The following CCDC88C variants were observed in gnomAD, a reference collection of about 807,000 sequenced individuals.
The protein encoded by CCDC88C is protein Daple.
CCDC88C carries 131 observed loss-of-function variants against 198.8 expected under a neutral mutation model. The ratio of observed to expected loss-of-function variants is 0.66; its 90% CI spans 0.57 to 0.76. The LOEUF is 0.76. CCDC88C is among the 30% of genes least tolerant of loss of function. The pLI is 0.00. For missense variants in CCDC88C, 2,553 were observed against 2,631.6 expected, an observed-to-expected ratio of 0.97 and a Z score of 0.65; for synonymous variants, 1,166 against 1,114.7, an observed-to-expected ratio of 1.05 and a Z score of -0.92.
chr14:91,330,346 C>T (rs1475678096), intron 10 of CCDC88C, among the ~76,000 whole-genome samples: 1 of 152,186 alleles, frequency 6.6e-6, no homozygotes, highest in African/African-American at 2.4e-5. Context: ...CACCAGGAGT[C>T]CTGGGGGAGC....
At position 91,297,505 on chromosome 14, in the gene CCDC88C, A is replaced by G; in HGVS notation, c.3780-14T>C. ...AGGAAATTGACCCTGGAGGAGGAAG[A>G]GTCACAGGGCAAAGGAGCTGAAGAG... On this transcript the variant is annotated splice_polypyrimidine_tract_variant and intron_variant, in intron 21 of 29. Transcript: ENST00000389857. The G allele has an allele frequency of 6.4e-7, 1 of 1,552,014 alleles. No individual in the cohort carries two copies. The highest frequency in any genetic ancestry group is 8.7e-7 in the Non-Finnish European group (1 of 1,147,130).
At position 91,350,882 on chromosome 14, in the gene CCDC88C, C is replaced by G. The variant is rs535382241; in HGVS notation, c.341-7225G>C. ...TGACTTAATTCTAAAAGCAATCCCC[C>G]GAGGACGGCATGATGACTCCATCTC... is the stretch of plus-strand genomic sequence containing the variant. On this transcript the variant is annotated intron_variant, in intron 4 of 29. Coordinates refer to ENST00000389857, the MANE Select transcript of CCDC88C (RefSeq NM_001080414.4). Among the ~76,000 whole-genome samples, 16 of 152,318 alleles carry G rather than the reference C, an allele frequency of 1.1e-4. No individual in the cohort carries two copies. The East Asian group carries it at 2.9e-3, about 27-fold the overall frequency.
chr14:91,368,556 A>G (rs1894644172), intron 3 of CCDC88C, among the ~76,000 whole-genome samples: 1 of 152,246 alleles, frequency 6.6e-6, no homozygotes, highest in Non-Finnish European at 1.5e-5. Flanking sequence ...GACTTCAGAC[A>G]GGAAAGGCCC....
intron 22 of CCDC88C, 43 bp from the exon 23 acceptor site, chr14:91,294,361 G>C: frequency 6.2e-7 from 1 of 1,605,844 alleles, no homozygotes; most frequent in Non-Finnish European, 8.5e-7. Context: ...ATGTGACCCG[G>C]TGTTCCCACT....
chr14:91,348,727 A>AATT (rs1893657308), intron 4 of CCDC88C, among the ~76,000 whole-genome samples: 1 of 152,186 alleles, frequency 6.6e-6, no homozygotes, highest in Non-Finnish European at 1.5e-5. Context: ...AAAGGCTTTA[A>AATT]AGGTAGAGAA....
chr14:91,371,893 G>A lies in CCDC88C; in HGVS notation c.271-12182C>T, dbSNP rs1894821667. Among the ~76,000 whole-genome samples the A allele has an allele frequency of 6.6e-6, 1 of 152,140 alleles. No homozygotes were observed. The highest frequency in any genetic ancestry group is 1.5e-5 in the Non-Finnish European group (1 of 68,002). ...GAGCAGGATGGTGGAGGGCACCTAG[G>A]AGCCTCCAGCGGTAGATGGCAGCCC... On this transcript the variant is annotated intron_variant, in intron 3 of 29. Transcript: ENST00000389857. This position sits in a 1 kb window ranked among gnomAD's most constrained non-coding sequence, Gnocchi z 4.2.
chr14:91,367,721 C>G (rs1477994135), intron 3 of CCDC88C, among the ~76,000 whole-genome samples: 2 of 152,090 alleles, frequency 1.3e-5, no homozygotes, highest in Non-Finnish European at 2.9e-5. Context: ...GAGTCTGACA[C>G]GTGAGGGACA....
chr14:91,319,502 G>A (rs549879469), intron 13 of CCDC88C, among the ~76,000 whole-genome samples: 82 of 152,320 alleles, frequency 5.4e-4, no homozygotes, highest in Middle Eastern at 3.4e-3. Context: ...AAGGTGTTCC[G>A]TCAGTGGCCT....
chr14:91,315,084 G>C (rs1892034627), intron 14 of CCDC88C, among the ~76,000 whole-genome samples: 1 of 152,160 alleles, frequency 6.6e-6, no homozygotes, highest in Non-Finnish European at 1.5e-5. Context: ...GACGTCTACG[G>C]AGCATCCTTG....
intron 22 of CCDC88C, among the ~76,000 whole-genome samples, chr14:91,295,512 G>A (rs1449607018): frequency 2.0e-5 from 3 of 152,164 alleles, no homozygotes; most frequent in East Asian, 3.9e-4. Context: ...GGCCGGGGGG[G>A]CCCCAGGGAA....
intron 2 of CCDC88C, among the ~76,000 whole-genome samples, chr14:91,415,813 C>G (rs1235181784): frequency 3.3e-5 from 5 of 152,010 alleles, no homozygotes. Flanking sequence ...TATGCCAAAG[C>G]AAACTGCTCC....
At chr14:91,384,705 G>A (rs1242993324) in intron 3 of CCDC88C, among the ~76,000 whole-genome samples, 4 of 152,290 alleles carry the variant, frequency 2.6e-5, no homozygotes, top group South Asian at 2.1e-4. Flanking sequence ...CAACACGTGC[G>A]GCTGCTCTAT....
Position 91,339,387 on chromosome 14 carries a change from C to A in CCDC88C, c.700G>T (p.Ala234Ser). ...CTGGTGGGGCTGGGAGTGGAGTCGG[C>A]GCTGGAGGACTTGATGGGGCTGGGT... is the stretch of plus-strand genomic sequence containing the variant. ...HPPSPIKSSSADSTPSPTSSL... is the reference protein window; with the variant it reads ...HPPSPIKSSSSDSTPSPTSSL... Residue 234 changes from alanine (A) to serine (S), a missense_variant, in exon 8 of 30, where the codon GCC (alanine) becomes TCC (serine). Ala to Ser is a moderately conservative substitution (Grantham distance 99). Transcript: ENST00000389857. This position sits in a 1 kb window ranked among gnomAD's most constrained non-coding sequence, Gnocchi z 5.8. 1 of 1,613,384 alleles carries A rather than the reference C, an allele frequency of 6.2e-7. No individual in the cohort carries two copies. The highest frequency in any genetic ancestry group is 8.5e-7 in the Non-Finnish European group (1 of 1,179,656).
In CCDC88C at chr14:91,285,864, A is replaced by G. The variant is rs543081647; in HGVS notation, c.4442-2347T>C. ...AAATTGTTATCAATCGGATAACCCA[A>G]AGGAGGAAGGAAAAAGAAAACACAA... On this transcript the variant is annotated intron_variant, in intron 25 of 29. Coordinates refer to ENST00000389857, the MANE Select transcript of CCDC88C (RefSeq NM_001080414.4). 26 of 1,183,296 alleles carry G rather than the reference A, an allele frequency of 2.2e-5. No individual in the cohort carries two copies. In the African/African-American group the frequency reaches 3.4e-4, roughly 15 times the overall value. 73.3% of individuals were successfully genotyped at this position (1,183,296 alleles called of 1,614,324 possible). A position where few individuals can be genotyped will look rare whatever the true frequency, so the allele number is the denominator to read the frequency against.
At chr14:91,316,059 G>T (rs1428192255) in intron 13 of CCDC88C, among the ~76,000 whole-genome samples, 1 of 152,226 alleles carries the variant, frequency 6.6e-6, no homozygotes, top group Non-Finnish European at 1.5e-5. Context: ...CGCCACCGCT[G>T]GGTGCCCTCG....
At chr14:91,292,646 C>G (rs1468516630) in intron 23 of CCDC88C, among the ~76,000 whole-genome samples, 4 of 152,142 alleles carry the variant, frequency 2.6e-5, no homozygotes, top group African/African-American at 9.7e-5. Flanking sequence ...CGTCCCACCA[C>G]AAGCACGTCC....
chr14:91,279,087 A>C, intron 28 of CCDC88C, 151 bp downstream of exon 28: 1 of 653,084 alleles, frequency 1.5e-6, no homozygotes, highest in Non-Finnish European at 2.7e-6. Flanking sequence ...TTTTTTAGAG[A>C]TGGGGTTTCG....
intron 3 of CCDC88C, among the ~76,000 whole-genome samples, chr14:91,382,366 G>A (rs1174448941): frequency 6.6e-6 from 1 of 152,120 alleles, no homozygotes; most frequent in African/African-American, 2.4e-5. Context: ...AACATGGCGG[G>A]CCCCATGACA....
chr14:91,275,649 T>C (rs1889927568), intron 29 of CCDC88C, among the ~76,000 whole-genome samples: 1 of 147,110 alleles, frequency 6.8e-6, no homozygotes, highest in Admixed American at 6.7e-5. Flanking sequence ...CGGTTCATTT[T>C]TGTATCTTTA....
Sources: allele counts gnomAD v4.1 joint callset (sites outside exome capture counted in the v4.1 genomes callset), GRCh38; gene constraint gnomAD v4.1.1; non-coding constraint Gnocchi (gnomAD v3.1); transcripts MANE v1.5; gene names NCBI Gene and HGNC (gene_info 2026-07-23, HGNC 2026-07-21).